Variants in CUX1 observed in about 807,000 individuals in gnomAD.
The protein encoded by CUX1 is cut like homeobox 1, also known as protein CASP.
In CUX1, 31 loss-of-function variants were observed where a neutral mutation model predicts 158.8. That is an observed-to-expected ratio of 0.20 (90% CI 0.15 to 0.26). The LOEUF is 0.26. Ranked by LOEUF, CUX1 falls within the 10% of genes least tolerant of loss-of-function variation. CUX1 has a pLI of 1.00. For missense variants in CUX1, 1,589 were observed against 2,014.6 expected, an observed-to-expected ratio of 0.79 and a Z score of 4.04; for synonymous variants, 879 against 862.1, an observed-to-expected ratio of 1.02 and a Z score of -0.34.
At chr7:102,093,226 T>TA (rs10570840) in intron 4 of CUX1, among the ~76,000 whole-genome samples, 168 of 139,710 alleles carry the variant, frequency 1.2e-3, no homozygotes, top group Middle Eastern at 7.2e-3. Context: ...CCTATCTCTT[T>TA]AAAAAAAAAA....
intron 23 of CUX1, among the ~76,000 whole-genome samples, chr7:102,243,675 AAT>A (rs1368953195): frequency 0.011 from 1,590 of 146,002 alleles, 23 homozygotes; most frequent in African/African-American, 0.036. Context: ...TAATAATAAT[AAT>A]AAAATAAATG....
chr7:102,176,472 C>G (rs1444469159), intron 10 of CUX1, among the ~76,000 whole-genome samples: 1 of 152,006 alleles, frequency 6.6e-6, no homozygotes, highest in Admixed American at 6.6e-5. Flanking sequence ...CAGCTCTGCC[C>G]TCTCCACCCC....
Position 102,195,542 on chromosome 7 carries a change from G to A in CUX1, c.1161G>A (p.Glu387=). 1 of 1,613,152 alleles carries A rather than the reference G, an allele frequency of 6.2e-7. No homozygotes were observed. The highest frequency in any genetic ancestry group is 1.3e-5 in the African/African-American group (1 of 75,074). The change falls in exon 14 of 24, where the codon GAG becomes GAA. Residue 387 remains glutamate (E), a synonymous_variant. Coordinates refer to ENST00000292535, the MANE Select transcript of CUX1 (RefSeq NM_181552.4). ...AGCCCCTGGAGGTGCTGTTGCTGGA[G>A]AAGAACCGCTCGCTGCAGTCCGAGA... ...AAKPLEVLLL[E]KNRSLQSENA...
intron 1 of CUX1, among the ~76,000 whole-genome samples, chr7:101,894,685 G>A (rs1584908238): frequency 6.6e-6 from 1 of 152,198 alleles, no homozygotes; most frequent in Non-Finnish European, 1.5e-5. Flanking sequence ...TTAGGCTTTT[G>A]CAGCCACTCA....
At chr7:102,243,914 C>A (rs938554765) in intron 23 of CUX1, among the ~76,000 whole-genome samples, 1 of 152,014 alleles carries the variant, frequency 6.6e-6, no homozygotes, top group Admixed American at 6.6e-5. Context: ...GTAATCCCAG[C>A]TACTCTAGAG....
chr7:102,225,143 G>A (rs997470262), intron 20 of CUX1, among the ~76,000 whole-genome samples: 6 of 152,110 alleles, frequency 3.9e-5, no homozygotes, highest in South Asian at 2.1e-4. Flanking sequence ...AGATTTATAC[G>A]GACCATTTCT....
intron 4 of CUX1, among the ~76,000 whole-genome samples, chr7:102,096,143 G>A (rs535067099): frequency 2.0e-5 from 3 of 152,232 alleles, no homozygotes; most frequent in Non-Finnish European, 2.9e-5. Context: ...GCCGTGCAGC[G>A]CGCGCTGCTC....
chr7:101,978,559 T>C lies in CUX1; in HGVS notation c.142-49539T>C, dbSNP rs113350125. Among the ~76,000 whole-genome samples the C allele has an allele frequency of 6.6e-5, 10 of 152,372 alleles. 1 individual carries two copies. The highest frequency in any genetic ancestry group is 2.4e-4 in the African/African-American group (10 of 41,596). The stretch of plus-strand genomic sequence containing the variant: ...TGTCCATTCTCTTTCCCCAGCGGCC[T>C]CAGTTTTATTTCTAACGAATGCAGT... On this transcript the variant is annotated intron_variant, in intron 2 of 23. Transcript: ENST00000292535.
chr7:101,920,202 A>C, intron 2 of CUX1, among the ~76,000 whole-genome samples: 1 of 151,118 alleles, frequency 6.6e-6, no homozygotes, highest in East Asian at 1.9e-4. Context: ...GCTCACTGCA[A>C]CTTCCACCTT....
chr7:101,871,321 C>T (rs1395837301), intron 1 of CUX1, among the ~76,000 whole-genome samples: 49 of 146,830 alleles, frequency 3.3e-4, no homozygotes, highest in African/African-American at 1.1e-3. Flanking sequence ...AAAAAAAAGC[C>T]TTTTTTTTTT....
chr7:102,110,227 C>T (rs1053102595), intron 6 of CUX1, among the ~76,000 whole-genome samples: 19 of 152,110 alleles, frequency 1.2e-4, no homozygotes, highest in African/African-American at 3.9e-4. Flanking sequence ...CATATTAGTT[C>T]GTACTATGCT....
chr7:101,900,544 C>T (rs749980761), intron 1 of CUX1, among the ~76,000 whole-genome samples: 5 of 152,278 alleles, frequency 3.3e-5, no homozygotes, highest in African/African-American at 1.2e-4. Context: ...ATAAGCTCTC[C>T]GGATGAACTT....
chr7:102,028,245 A>T (rs1820278465), intron 3 of CUX1, 100 bp downstream of exon 3: 2 of 1,268,820 alleles, frequency 1.6e-6, no homozygotes, highest in South Asian at 2.5e-5. Context: ...GGTGCTGCCC[A>T]GATGGTGCCT....
rs77691937 is a variant in CUX1, at chr7:102,218,229, G to A, written c.3131-9138G>A. Among the ~76,000 whole-genome samples, 419 of 152,292 alleles carry A rather than the reference G, an allele frequency of 2.8e-3. 4 individuals carry two copies. Among genetic ancestry groups the A allele is most frequent in the African/African-American group, 9.6e-3 (399 of 41,552 alleles). ...CGCTTTGGTTACAAGATGTGGGGGC[G>A]CAGGGTCTGCCTTGCTCACGGCTGT... On this transcript the variant is annotated intron_variant, in intron 20 of 23. Transcript: ENST00000292535.
chr7:101,865,345 G>A (rs1403823793), intron 1 of CUX1, among the ~76,000 whole-genome samples: 1 of 152,224 alleles, frequency 6.6e-6, no homozygotes, highest in Non-Finnish European at 1.5e-5. Context: ...CAGTGGATGT[G>A]TGTGCACATG....
At position 101,821,671 on chromosome 7, in the gene CUX1, C is replaced by CTTTTTTTTTTTTTTTTTT. The variant is rs58793343; in HGVS notation, c.30+4011_30+4028dup. On this transcript the variant is annotated intron_variant, in intron 1 of 23. Coordinates refer to ENST00000292535, the MANE Select transcript of CUX1 (RefSeq NM_181552.4). ...CTTTTCTTTTCTTTTTTTCTTTTTT[C>CTTTTTTTTTTTTTTTTTT]TTTTTTTTTTTTTTTTTTTTTTTTT... Among the ~76,000 whole-genome samples, 458 of 51,314 alleles carry CTTTTTTTTTTTTTTTTTT rather than the reference C, an allele frequency of 8.9e-3. 65 individuals carry two copies. Among genetic ancestry groups the CTTTTTTTTTTTTTTTTTT allele is most frequent in the Middle Eastern group, 0.026 (1 of 38 alleles). The allele number at this position is 51,314 out of a possible 152,430, so 33.7% of individuals were successfully genotyped here.
intron 3 of CUX1, among the ~76,000 whole-genome samples, chr7:102,045,537 T>C (rs1822658944): frequency 6.6e-6 from 1 of 152,268 alleles, no homozygotes; most frequent in Non-Finnish European, 1.5e-5. Context: ...TGTAATTTTG[T>C]GGTCAGAAAT....
chr7:102,028,502 C>T (rs1242717202), intron 3 of CUX1, among the ~76,000 whole-genome samples: 1 of 152,184 alleles, frequency 6.6e-6, no homozygotes. Context: ...CTGGGGCTGC[C>T]ACTGCCATGA....
intron 20 of CUX1, among the ~76,000 whole-genome samples, chr7:102,209,075 G>A (rs1042439068): frequency 6.6e-6 from 1 of 152,166 alleles, no homozygotes; most frequent in African/African-American, 2.4e-5. Context: ...GTGATCAGGT[G>A]CCCTGCGCTA....
Sources: allele counts gnomAD v4.1 joint callset (sites outside exome capture counted in the v4.1 genomes callset), GRCh38; gene constraint gnomAD v4.1.1; transcripts MANE v1.5; gene names NCBI Gene and HGNC (gene_info 2026-07-23, HGNC 2026-07-21).